PNLIP: variants seen among roughly 807,000 people sequenced by gnomAD.
PNLIP encodes pancreatic triacylglycerol lipase.
A neutral mutation model predicts 57.1 loss-of-function variants in PNLIP; 49 were observed. The observed-to-expected ratio is 0.86, with a 90% CI of 0.68 to 1.09. The LOEUF is 1.09. PNLIP is among the 50% of genes least tolerant of loss of function. PNLIP has a pLI of 0.00. For missense variants in PNLIP, 503 were observed against 570.2 expected (o/e 0.88, Z 1.20); for synonymous variants, 209 against 200.4 (o/e 1.04, Z -0.36).
At chr10:116,559,501 CTT>C (rs1451208609) in intron 10 of PNLIP, among the ~76,000 whole-genome samples, 2 of 152,048 alleles carry the variant, frequency 1.3e-5, no homozygotes, top group African/African-American at 4.8e-5. Flanking sequence ...AAATAAGTTT[CTT>C]CATATTTGAT....
At chr10:116,557,182 C>T (rs1847261418) in intron 9 of PNLIP, among the ~76,000 whole-genome samples, 1 of 152,100 alleles carries the variant, frequency 6.6e-6, no homozygotes, top group East Asian at 1.9e-4. Flanking sequence ...TTATTTTCTT[C>T]CCCAATACCC....
At chr10:116,566,578 A>G (rs1328325061) in intron 12 of PNLIP, among the ~76,000 whole-genome samples, 1 of 152,196 alleles carries the variant, frequency 6.6e-6, no homozygotes, top group African/African-American at 2.4e-5. Context: ...ATTAAAGCTC[A>G]ATAAAGCTGT....
chr10:116,567,496 T>G (rs569709278), intron 12 of PNLIP, among the ~76,000 whole-genome samples: 4 of 152,190 alleles, frequency 2.6e-5, no homozygotes, highest in African/African-American at 9.7e-5. Flanking sequence ...TCTTTCTTTT[T>G]CTTTGGGGCG....
intron 10 of PNLIP, among the ~76,000 whole-genome samples, chr10:116,560,049 A>G (rs751025032): frequency 1.1e-4 from 16 of 152,316 alleles, no homozygotes; most frequent in Middle Eastern, 6.8e-3. Context: ...TTAAACTGAA[A>G]AAATGTCACA....
chr10:116,561,259 G>T (rs528629361), intron 11 of PNLIP, among the ~76,000 whole-genome samples: 1 of 152,268 alleles, frequency 6.6e-6, no homozygotes, highest in Admixed American at 6.5e-5. Flanking sequence ...ATGGCAAATG[G>T]ACTACCACTG....
rs373068265 is a variant in PNLIP at position 116,553,792 on chromosome 10, T to A, written c.525T>A (p.Ala175=). ...GCCACAGCCTGGGTGCCCACGCTGC[T>A]GGGGAGGCTGGAAGGAGAACCAATG... The part of the protein sequence containing the change: ...VIGHSLGAHA[A]GEAGRRTNGT... The change falls in exon 6 of 13, where the codon GCT becomes GCA. Residue 175 remains alanine, a synonymous_variant. Transcript: ENST00000369221. 3 of 1,613,254 alleles carry A rather than the reference T, an allele frequency of 1.9e-6. No individual in the cohort carries two copies. The highest frequency in any genetic ancestry group is 2.5e-6 in the Non-Finnish European group (3 of 1,179,580).
intron 5 of PNLIP, among the ~76,000 whole-genome samples, chr10:116,552,147 C>G (rs1423451777): frequency 6.6e-6 from 1 of 152,112 alleles, no homozygotes; most frequent in Non-Finnish European, 1.5e-5. Context: ...TAATTATGTA[C>G]AGTATGTAAT....
At chr10:116,546,068 C>T (rs370324466) in intron 1 of PNLIP, 25 bp from the exon 2 acceptor site, 1 of 1,611,072 alleles carries the variant, frequency 6.2e-7, no homozygotes, top group African/African-American at 1.3e-5. Flanking sequence ...TAGCCAGACT[C>T]AATCATGTTT....
At chr10:116,565,944 G>A (rs1393497949) in intron 12 of PNLIP, among the ~76,000 whole-genome samples, 1 of 152,168 alleles carries the variant, frequency 6.6e-6, no homozygotes, top group African/African-American at 2.4e-5. Context: ...CAGTAGCTGG[G>A]ATTACAGGCA....
chr10:116,548,510 G>A (rs765901969), intron 4 of PNLIP, 28 bp downstream of exon 4: 15 of 1,607,568 alleles, frequency 9.3e-6, no homozygotes, highest in Non-Finnish European at 2.5e-6. Context: ...CTCAAGGAAA[G>A]ATCGTTTCCA....
At chr10:116,551,471 T>C (rs1157504492) in intron 5 of PNLIP, among the ~76,000 whole-genome samples, 2 of 152,204 alleles carry the variant, frequency 1.3e-5, no homozygotes, top group Non-Finnish European at 2.9e-5. Flanking sequence ...ATTGGTAGGT[T>C]GTTTTTAATA....
At position 116,567,121 on chromosome 10, in the gene PNLIP, C is replaced by CTCTT. The variant is rs10563857; in HGVS notation, c.1335-596_1335-593dup. Reference sequence around the variant, plus strand: ...TCCATCCTTCCTCCCTCCTTTCTTTCTCTTTCTTTCTTTCTTTCTTTTCTT... The same window carrying CTCTT: ...TCCATCCTTCCTCCCTCCTTTCTTTCTCTTTCTTTCTTTCTTTCTTTCTTTTCTT... On this transcript the variant is annotated intron_variant, in intron 12 of 12. Transcript: ENST00000369221. 2.8e-3 allele frequency among the ~76,000 whole-genome samples: 404 copies of CTCTT among 146,478 alleles called. 2 individuals are homozygous for CTCTT. Among genetic ancestry groups the CTCTT allele is most frequent in the African/African-American group, 9.6e-3 (379 of 39,476 alleles).
At chr10:116,546,931 A>G (rs763269083) in intron 2 of PNLIP, among the ~76,000 whole-genome samples, 8 of 152,200 alleles carry the variant, frequency 5.3e-5, no homozygotes, top group Non-Finnish European at 1.2e-4. Context: ...TTCAAAGCCC[A>G]CAGCTAAACA....
intron 4 of PNLIP, among the ~76,000 whole-genome samples, chr10:116,550,687 G>A (rs1166257464): frequency 1.3e-5 from 2 of 152,188 alleles, no homozygotes; most frequent in African/African-American, 4.8e-5. Context: ...ACCAGAATCT[G>A]TTCTGGACAC....
At chr10:116,547,078 G>A (rs1264397901) in intron 2 of PNLIP, among the ~76,000 whole-genome samples, 1 of 152,162 alleles carries the variant, frequency 6.6e-6, no homozygotes, top group East Asian at 1.9e-4. Context: ...GGGGAGTGAA[G>A]TGATCCATGT....
intron 12 of PNLIP, among the ~76,000 whole-genome samples, chr10:116,563,061 G>A (rs567251574): frequency 2.6e-5 from 4 of 151,980 alleles, no homozygotes; most frequent in Admixed American, 6.6e-5. Flanking sequence ...ATAATCAATC[G>A]ACACCAAAAC....
intron 9 of PNLIP, among the ~76,000 whole-genome samples, chr10:116,558,415 T>C (rs1287082535): frequency 6.6e-6 from 1 of 151,534 alleles, no homozygotes; most frequent in Non-Finnish European, 1.5e-5. Flanking sequence ...AGGATGGTCT[T>C]GATCTCCTGA....
chr10:116,558,620 T>C (rs1847281397), intron 9 of PNLIP, among the ~76,000 whole-genome samples: 2 of 151,506 alleles, frequency 1.3e-5, no homozygotes, highest in Admixed American at 6.6e-5. Context: ...TATTCTCTCA[T>C]TGTATGATTT....
intron 11 of PNLIP, among the ~76,000 whole-genome samples, chr10:116,561,066 A>C (rs565728710): frequency 5.3e-5 from 8 of 152,326 alleles, no homozygotes; most frequent in African/African-American, 1.7e-4. Flanking sequence ...TTTCCTGATA[A>C]AACCATTCAT....
Sources: allele counts gnomAD v4.1 joint callset (sites outside exome capture counted in the v4.1 genomes callset), GRCh38; gene constraint gnomAD v4.1.1; transcripts MANE v1.5; gene names NCBI Gene and HGNC (gene_info 2026-07-23, HGNC 2026-07-21).